Variants in POLR2F observed in about 807,000 individuals in gnomAD.
POLR2F encodes the protein RNA polymerase II, I and III subunit F.
Under a neutral mutation model 22.7 loss-of-function variants are expected in POLR2F, and 12 were observed. That is an observed-to-expected ratio of 0.53 (90% CI 0.34 to 0.86). The LOEUF (loss-of-function observed/expected upper bound fraction) is 0.86, where lower values mean the gene tolerates loss of function less well. Ranked by LOEUF, POLR2F falls within the 40% of genes least tolerant of loss-of-function variation. The probability of loss-of-function intolerance (pLI) is 0.02; values close to 1 mark genes in which losing one functional copy is unlikely to be tolerated. For synonymous variants in POLR2F, 57 were observed against 66.0 expected (o/e 0.86, Z 0.66); for missense variants, 126 against 171.5 (o/e 0.73, Z 1.48).
intron 1 of POLR2F, among the ~76,000 whole-genome samples, chr22:38,006,186 C>G (rs960897252): frequency 6.6e-6 from 1 of 152,030 alleles, no homozygotes; most frequent in African/African-American, 2.4e-5. Context: ...CGAGACTGGG[C>G]AAGAGAGTGA....
rs1326590760 is a variant in POLR2F at position 37,978,146 on chromosome 22, G to T, written c.293+10976G>T. The T allele has an allele frequency of 1.9e-6, 3 of 1,545,178 alleles. No homozygotes were observed. In the South Asian group the frequency reaches 3.6e-5, roughly 19 times the overall value. ...CTTTCGTTCAGCAGCCTGGGGTGTGGTGGGAGGCGGAGAGGACAGCAGAGG... is the reference window on the plus strand; with the variant it reads ...CTTTCGTTCAGCAGCCTGGGGTGTGTTGGGAGGCGGAGAGGACAGCAGAGG... On this transcript the variant is annotated intron_variant, in intron 4 of 4. Transcript: ENST00000405557. This position sits in a 1 kb window ranked among gnomAD's most constrained non-coding sequence, Gnocchi z 5.0.
intron 1 of POLR2F, among the ~76,000 whole-genome samples, chr22:38,015,975 C>G (rs1223597418): frequency 6.6e-6 from 1 of 152,106 alleles, no homozygotes; most frequent in Non-Finnish European, 1.5e-5. Flanking sequence ...GTGTGGCCTC[C>G]TCTGCTCAAG....
downstream of POLR2F, chr22:37,972,426 A>G (rs965957088): frequency 2.7e-6 from 1 of 366,206 alleles, no homozygotes; most frequent in South Asian, 2.2e-5. Context: ...AATGAGTTAC[A>G]TGTGGATTTG....
In POLR2F at chr22:37,954,443, T is replaced by C. The variant is rs190002656; in HGVS notation, c.20+636T>C. Among the ~76,000 whole-genome samples the C allele has an allele frequency of 1.4e-3, 211 of 152,238 alleles. 7 individuals carry two copies. In the East Asian group the frequency reaches 0.03, roughly 22 times the overall value. ...TCAGCCTCCCGACTAGCTGGGATTA[T>C]GGGCGTGCACCACCACGCCTTGCTA... On this transcript the variant is annotated intron_variant, in intron 1 of 4. Transcript: ENST00000442738.
At chr22:38,034,702 G>A (rs554070627) in intron 5 of POLR2F, among the ~76,000 whole-genome samples, 3 of 152,306 alleles carry the variant, frequency 2.0e-5, no homozygotes, top group South Asian at 2.1e-4. Context: ...AATCCCAGGG[G>A]AGACCTGTCA....
chr22:37,978,220 C>CCA lies in POLR2F; in HGVS notation c.293+11051_293+11052dup, dbSNP rs1932284769. 1 of 1,388,402 alleles carries CCA rather than the reference C, an allele frequency of 7.2e-7. No homozygotes were observed. Among genetic ancestry groups the CCA allele is most frequent in the African/African-American group, 1.4e-5 (1 of 68,988 alleles). The allele number at this position is 1,388,402 out of a possible 1,614,324, so 86.0% of individuals were successfully genotyped here. A position where few individuals can be genotyped will look rare whatever the true frequency, so the allele number is the denominator to read the frequency against. ...TCCAGGTTGGCCTCCCTCTGAGTGT[C>CCA]CATCTTGGAAGATGTGAGGCCCTGG... is the stretch of plus-strand genomic sequence containing the variant. On this transcript the variant is annotated intron_variant, in intron 4 of 4. Transcript: ENST00000405557. The surrounding 1 kb of genome is among the most constrained non-coding windows in gnomAD (Gnocchi z 5.0).
chr22:37,997,798 C>G lies in POLR2F; in HGVS notation c.120+11486C>G, dbSNP rs1409135946. Among the ~76,000 whole-genome samples, 1 of 152,152 alleles carries G rather than the reference C, an allele frequency of 6.6e-6. No homozygotes were observed. Among genetic ancestry groups the G allele is most frequent in the Non-Finnish European group, 1.5e-5 (1 of 68,020 alleles). The stretch of plus-strand genomic sequence containing the variant: ...CCCTTTCTCTGGCTGTCCCAGGGAC[C>G]TCACCTCCTGTGAGCCCACAGCTCA... On this transcript the variant is annotated intron_variant, in intron 1 of 2. Transcript: ENST00000333418. This position sits in a 1 kb window ranked among gnomAD's most constrained non-coding sequence, Gnocchi z 4.4.
rs1027202943 is a variant in POLR2F, at chr22:37,959,388, C to T, written c.133C>T (p.Pro45Ser). Reference protein sequence around the residue: ...NVEILPSGERPQANQKRITTP... With the variant: ...NVEILPSGERSQANQKRITTP... ...CGAGATCCTCCCCTCTGGGGAGCGA[C>T]CGCAGGCCAACCAGAAGCGAATCAC... The change falls in exon 3 of 5, where the codon CCG becomes TCG. Residue 45 changes from proline (P) to serine (S), a missense_variant. Transcript: ENST00000442738. The T allele has an allele frequency of 1.7e-5, 28 of 1,614,044 alleles. No homozygotes were observed. Among genetic ancestry groups the T allele is most frequent in the African/African-American group, 4.0e-5 (3 of 74,948 alleles).
intron 1 of POLR2F, chr22:38,025,810 G>A (rs1414373752): frequency 6.8e-7 from 1 of 1,468,290 alleles, no homozygotes; most frequent in Non-Finnish European, 9.5e-7. Context: ...CACTTTTCAT[G>A]GCCAGCATGG....
At chr22:37,973,487 G>C (rs1045423591), downstream of POLR2F, 4 of 1,558,248 alleles carry the variant, frequency 2.6e-6, no homozygotes, top group African/African-American at 4.1e-5. Flanking sequence ...GTGGCGACAG[G>C]GCCCCCTTTA....
intron 3 of POLR2F, among the ~76,000 whole-genome samples, chr22:37,960,140 A>G (rs1931572393): frequency 6.6e-6 from 1 of 151,252 alleles, no homozygotes; most frequent in South Asian, 2.1e-4. Context: ...CCGAGTCAAG[A>G]TCTCAATCTG....
chr22:37,982,740 C>T (rs1932439243), upstream of POLR2F, among the ~76,000 whole-genome samples: 1 of 152,008 alleles, frequency 6.6e-6, no homozygotes, highest in East Asian at 1.9e-4. Context: ...ACTGTGTGTC[C>T]TCTCCCTAGG....
At chr22:38,040,897 C>A in intron 5 of POLR2F, 1 of 990,488 alleles carries the variant, frequency 1.0e-6, no homozygotes, top group Non-Finnish European at 1.5e-6. Context: ...CCAAGGGGAA[C>A]ATGGGGGCAA....
chr22:38,034,165 C>G (rs1001578434), intron 5 of POLR2F: 2 of 169,414 alleles, frequency 1.2e-5, no homozygotes, highest in Non-Finnish European at 2.9e-5. Flanking sequence ...GCTGCCTCAC[C>G]ACCACCATCT....
intron 1 of POLR2F, among the ~76,000 whole-genome samples, chr22:37,990,248 T>C (rs533262475): frequency 6.6e-6 from 1 of 152,320 alleles, no homozygotes; most frequent in South Asian, 2.1e-4. Flanking sequence ...ACAGGGGCTC[T>C]TGCCCCTCCC....
upstream of POLR2F, among the ~76,000 whole-genome samples, chr22:37,984,753 T>G (rs1379000795): frequency 6.6e-6 from 1 of 152,064 alleles, no homozygotes; most frequent in Admixed American, 6.5e-5. This position sits in a 1 kb window ranked among gnomAD's most constrained non-coding sequence, Gnocchi z 4.4. Flanking sequence ...AGGCTTATCT[T>G]GGGCTTAGTC....
downstream of POLR2F, among the ~76,000 whole-genome samples, chr22:38,028,922 A>G (rs1438410105): frequency 6.6e-6 from 1 of 152,194 alleles, no homozygotes; most frequent in Non-Finnish European, 1.5e-5. Context: ...CCACTCCATC[A>G]CAGCTCATTG....
At chr22:37,971,374 G>C (rs1932046695), downstream of POLR2F, 2 of 459,164 alleles carry the variant, frequency 4.4e-6, no homozygotes, top group Non-Finnish European at 9.1e-6. Context: ...GGAGCACTTA[G>C]TAAATGGCAG....
intron 1 of POLR2F, among the ~76,000 whole-genome samples, chr22:38,012,896 T>C (rs1056117027): frequency 6.6e-6 from 1 of 152,224 alleles, no homozygotes; most frequent in Non-Finnish European, 1.5e-5. Flanking sequence ...TTCATGGTGA[T>C]GTCAGCCAGA....
Sources: gnomAD v4.1 joint callset for allele counts (sites outside exome capture counted in the v4.1 genomes callset) on GRCh38, gnomAD v4.1.1 for gene constraint, Gnocchi (gnomAD v3.1) non-coding constraint, MANE v1.5 for transcripts, NCBI Gene and HGNC (gene_info 2026-07-23, HGNC 2026-07-21) for gene names.